Variants in DYRK1A observed in about 807,000 individuals in gnomAD.
DYRK1A encodes the protein dual specificity tyrosine-phosphorylation-regulated kinase 1A.
A neutral mutation model predicts 79.7 loss-of-function variants in DYRK1A; 9 were observed. The ratio of observed to expected loss-of-function variants is 0.11; its 90% CI spans 0.07 to 0.20. The LOEUF (loss-of-function observed/expected upper bound fraction) is 0.20, where lower values mean the gene tolerates loss of function less well. DYRK1A is among the 10% of genes least tolerant of loss of function. The probability of loss-of-function intolerance (pLI) is 1.00; values close to 1 mark genes in which losing one functional copy is unlikely to be tolerated. For missense variants in DYRK1A, 622 were observed against 956.0 expected (o/e 0.65, Z 4.61); for synonymous variants, 349 against 329.7 (o/e 1.06, Z -0.63).
At chr21:37,425,675 C>T (rs1220428914) in intron 2 of DYRK1A, 1 of 152,010 alleles carries the variant, frequency 6.6e-6, no homozygotes, top group Non-Finnish European at 1.5e-5. Flanking sequence ...TTAAAATTTT[C>T]CCATTTTCCT....
chr21:37,480,610 C>T (rs1439458938), intron 4 of DYRK1A, 28 bp from the exon 5 acceptor site: 4 of 1,520,550 alleles, frequency 2.6e-6, no homozygotes, highest in Non-Finnish European at 3.5e-6. Flanking sequence ...TTAAATTTTA[C>T]AGTTAACACT....
intron 2 of DYRK1A, among the ~76,000 whole-genome samples, chr21:37,461,964 T>A (rs2051853885): frequency 1.3e-5 from 2 of 152,056 alleles, no homozygotes; most frequent in Admixed American, 1.3e-4. Context: ...TGCTATTAGG[T>A]CCGTTCAGTG....
chr21:37,386,385 A>G (rs2049760955), intron 1 of DYRK1A, among the ~76,000 whole-genome samples: 1 of 152,156 alleles, frequency 6.6e-6, no homozygotes, highest in African/African-American at 2.4e-5. Flanking sequence ...CCGCTGCTGT[A>G]GAGCAATACT....
intron 2 of DYRK1A, chr21:37,464,318 T>G (rs745815019): frequency 2.0e-6 from 1 of 493,058 alleles, no homozygotes; most frequent in Non-Finnish European, 4.0e-6. Context: ...TTATAGTTCC[T>G]TGCTAGAACA....
At chr21:37,506,410 A>C in intron 11 of DYRK1A, 187 bp downstream of exon 11, 1 of 1,503,946 alleles carries the variant, frequency 6.6e-7, no homozygotes, top group South Asian at 1.3e-5. Flanking sequence ...CCTTGTCTAG[A>C]AGTGGCTAAC....
chr21:37,493,004 A>G lies in DYRK1A; in HGVS notation c.925-13A>G. 1 of 1,577,304 alleles carries G rather than the reference A, an allele frequency of 6.3e-7. No individual in the cohort carries two copies. Among genetic ancestry groups the G allele is most frequent in the Non-Finnish European group, 8.7e-7 (1 of 1,151,504 alleles). ...AAGCAATTGAAGTAATACTATTTTG[A>G]AATATATTTCAGATATACCAGTATA... is the stretch of plus-strand genomic sequence containing the variant. On this transcript the variant is annotated splice_polypyrimidine_tract_variant and intron_variant, in intron 7 of 11. Transcript: ENST00000647188.
intron 2 of DYRK1A, among the ~76,000 whole-genome samples, chr21:37,457,051 T>C (rs2051674005): frequency 1.4e-5 from 1 of 73,906 alleles, no homozygotes. Context: ...TTTATTTATT[T>C]ATTTATTTAT....
chr21:37,483,477 T>C (rs539183232), intron 5 of DYRK1A, among the ~76,000 whole-genome samples: 24 of 152,338 alleles, frequency 1.6e-4, no homozygotes, highest in African/African-American at 5.1e-4. Flanking sequence ...TTGAAAGAAT[T>C]TTGGTAATTA....
intron 1 of DYRK1A, among the ~76,000 whole-genome samples, chr21:37,373,177 T>A (rs2049467650): frequency 6.6e-6 from 1 of 151,776 alleles, no homozygotes; most frequent in African/African-American, 2.4e-5. Context: ...CTCGCTTCAG[T>A]ATCCTGTATG....
rs572611411 is a variant in DYRK1A, at chr21:37,473,725, C to A, written c.207+845C>A. Among the ~76,000 whole-genome samples, 37 of 152,200 alleles carry A rather than the reference C, an allele frequency of 2.4e-4. 1 individual carries two copies. The South Asian group carries it at 7.7e-3, about 32-fold the overall frequency. On this transcript the variant is annotated intron_variant, in intron 3 of 11. Transcript: ENST00000647188. ...TCCTGGTGTCTTGTTTATATTAAAA[C>A]GTGTTTGTAATAAAATTTTGCTAGT...
intron 1 of DYRK1A, among the ~76,000 whole-genome samples, chr21:37,397,829 G>T (rs1359518860): frequency 6.6e-6 from 1 of 152,006 alleles, no homozygotes; most frequent in East Asian, 1.9e-4. Context: ...AGCCATCTGT[G>T]CCCCAATCGC....
In DYRK1A at chr21:37,513,307, G is replaced by A. The variant is rs531854098; in HGVS notation, c.*776G>A. Reference sequence around the variant, plus strand: ...AGGTGCACTGAGAAGCAATCAACGGGTCGGTCGTGGCCAGTCCTGGGGAGG... The same window carrying A: ...AGGTGCACTGAGAAGCAATCAACGGATCGGTCGTGGCCAGTCCTGGGGAGG... On this transcript the variant is annotated 3_prime_UTR_variant, in exon 12 of 12. Coordinates refer to ENST00000647188, the MANE Select transcript of DYRK1A (RefSeq NM_001347721.2). 2.6e-4 allele frequency: 40 copies of A among 152,876 alleles called. No individual in the cohort carries two copies. The highest frequency in any genetic ancestry group is 9.6e-4 in the African/African-American group (40 of 41,560). 9.5% of individuals were successfully genotyped at this position (152,876 alleles called of 1,614,324 possible). A position where few individuals can be genotyped will look rare whatever the true frequency, so the allele number is the denominator to read the frequency against.
At chr21:37,380,790 A>C (rs558912494) in intron 1 of DYRK1A, among the ~76,000 whole-genome samples, 3 of 151,594 alleles carry the variant, frequency 2.0e-5, no homozygotes, top group South Asian at 2.1e-4. Flanking sequence ...AGACCACGCT[A>C]GTCACAGGAT....
At chr21:37,386,442 AC>A (rs1335074748) in intron 1 of DYRK1A, among the ~76,000 whole-genome samples, 1 of 152,130 alleles carries the variant, frequency 6.6e-6, no homozygotes, top group Non-Finnish European at 1.5e-5. Flanking sequence ...AATTGAAGAC[AC>A]CGTTTTGGGT....
Position 37,478,213 on chromosome 21 carries a change from G to A in DYRK1A, c.213G>A (p.Arg71=), listed in dbSNP as rs763296495. Residue 71 remains arginine, a synonymous_variant, in exon 4 of 12, where the codon CGG becomes CGA. Transcript: ENST00000647188. ...CTGATATTGTCATGTTACAGAGGCG[G>A]ATGCCCCAAACCTTCCGTGACCCAG... ...QIQQPLTNQR[R]MPQTFRDPAT... is the part of the protein sequence containing the mutation. 2 of 1,614,118 alleles carry A rather than the reference G, an allele frequency of 1.2e-6. No individual in the cohort carries two copies. The highest frequency in any genetic ancestry group is 1.7e-6 in the Non-Finnish European group (2 of 1,179,984).
intron 1 of DYRK1A, among the ~76,000 whole-genome samples, chr21:37,370,330 C>G (rs1162669875): frequency 6.6e-6 from 1 of 151,016 alleles, no homozygotes; most frequent in Non-Finnish European, 1.5e-5. Flanking sequence ...ATTTAGGCTG[C>G]CCTGAGGTGT....
chr21:37,421,176 G>A (rs2050464533), intron 2 of DYRK1A, among the ~76,000 whole-genome samples: 1 of 152,044 alleles, frequency 6.6e-6, no homozygotes, highest in Non-Finnish European at 1.5e-5. Flanking sequence ...CTCTGTCAGA[G>A]AGCCTTATTT....
At chr21:37,435,329 G>T (rs1007154280) in intron 2 of DYRK1A, among the ~76,000 whole-genome samples, 2 of 152,266 alleles carry the variant, frequency 1.3e-5, no homozygotes, top group Non-Finnish European at 2.9e-5. Context: ...CTAATTAGCC[G>T]CTGTTGCTGG....
chr21:37,477,298 G>A (rs1388481055), intron 3 of DYRK1A, among the ~76,000 whole-genome samples: 1 of 152,182 alleles, frequency 6.6e-6, no homozygotes, highest in Non-Finnish European at 1.5e-5. Flanking sequence ...ATGGGCCAGG[G>A]GGAATGGCTG....
Sources: gnomAD v4.1 joint callset for allele counts (sites outside exome capture counted in the v4.1 genomes callset) on GRCh38, gnomAD v4.1.1 for gene constraint, MANE v1.5 for transcripts, NCBI Gene and HGNC (gene_info 2026-07-23, HGNC 2026-07-21) for gene names.